The following SARM1 variants were observed in gnomAD, a reference collection of about 807,000 sequenced individuals.
SARM1 encodes the protein NAD(+) hydrolase SARM1.
A neutral mutation model predicts 65.1 loss-of-function variants in SARM1; 60 were observed. The ratio of observed to expected loss-of-function variants is 0.92; its 90% confidence interval spans 0.75 to 1.14. The LOEUF is 1.14. Among genes scored for constraint, SARM1 ranks in the 50% most tolerant of loss-of-function variants. The probability of loss-of-function intolerance (pLI) is 0.00; values close to 1 mark genes in which losing one functional copy is unlikely to be tolerated. For missense variants in SARM1, 913 were observed against 1,015.7 expected (o/e 0.90, Z 1.37); for synonymous variants, 417 against 465.4 (o/e 0.90, Z 1.34).
Position 28,372,228 on chromosome 17 carries a change from G to A in SARM1, c.196G>A (p.Glu66Lys). ...GAGTEVQDAL[E>K]RALPELQQAL... ...AGGCACCGAGGTGCAGGACGCCCTG[G>A]AGCGCGCGCTGCCGGAGCTGCAGCA... Residue 66 changes from glutamate (E) to lysine (K), a missense_variant, in exon 1 of 9, where the codon GAG becomes AAG. Transcript: ENST00000585482. This position sits in a 1 kb window ranked among gnomAD's most constrained non-coding sequence, Gnocchi z 5.2. 1 of 1,385,616 alleles carries A rather than the reference G, an allele frequency of 7.2e-7. No individual in the cohort carries two copies. Among genetic ancestry groups the A allele is most frequent in the South Asian group, 1.6e-5 (1 of 60,950 alleles). The allele number at this position is 1,385,616 out of a possible 1,614,324, so 85.8% of individuals were successfully genotyped here.
chr17:28,384,740 C>T lies in SARM1; in HGVS notation c.1303-99C>T. The T allele has an allele frequency of 7.8e-7, 1 of 1,276,604 alleles. No homozygotes were observed. The highest frequency in any genetic ancestry group is 1.3e-5 in the South Asian group (1 of 75,372). 79.1% of individuals were successfully genotyped at this position (1,276,604 alleles called of 1,614,324 possible). On this transcript the variant is annotated intron_variant, in intron 3 of 8. Coordinates refer to ENST00000585482, the MANE Select transcript of SARM1 (RefSeq NM_015077.4). The surrounding 1 kb of genome is among the most constrained non-coding windows in gnomAD (Gnocchi z 4.4). ...TCGGCTCTGATCTAGGTCCCATCCG[C>T]CTCCTCCACGCCATCTCCAGTTCCT...
In SARM1 at chr17:28,400,636, G is replaced by A. The variant is rs781803952; in HGVS notation, c.*4350G>A. On this transcript the variant is annotated 3_prime_UTR_variant, in exon 9 of 9. Coordinates refer to ENST00000585482, the MANE Select transcript of SARM1 (RefSeq NM_015077.4). ...CAATCAGAACAGCCGGGATGAGCAG[G>A]AGGCCAGCTCCCAGGAGGAAGGGGA... 121 of 1,613,682 alleles carry A rather than the reference G, an allele frequency of 7.5e-5. No homozygotes were observed. The highest frequency in any genetic ancestry group is 9.5e-5 in the Non-Finnish European group (112 of 1,179,826).
chr17:28,386,539 G>A (rs1218535144), intron 5 of SARM1: 2 of 152,094 alleles, frequency 1.3e-5, no homozygotes, highest in African/African-American at 4.8e-5. Flanking sequence ...ACAAACAAAT[G>A]TTGTCTATGA....
chr17:28,374,105 A>G (rs1406720015), intron 1 of SARM1: 1 of 16,720 alleles, frequency 6.0e-5, no homozygotes, highest in African/African-American at 4.5e-4. Context: ...TGTCTCTACT[A>G]AAAAAAAAAA....
chr17:28,400,657 G>T lies in SARM1; in HGVS notation c.*4371G>T, dbSNP rs1555589342. ...GCAGGAGGCCAGCTCCCAGGAGGAA[G>T]GGGAACCCCTTCATAAAGTTCAGAG... On this transcript the variant is annotated 3_prime_UTR_variant, in exon 9 of 9. Coordinates refer to ENST00000585482, the MANE Select transcript of SARM1 (RefSeq NM_015077.4). The T allele has an allele frequency of 6.2e-7, 1 of 1,613,652 alleles. No homozygotes were observed. Among genetic ancestry groups the T allele is most frequent in the Admixed American group, 1.7e-5 (1 of 59,982 alleles).
Position 28,396,274 on chromosome 17 carries a change from G to A in SARM1, c.2163G>A (p.Met721Ile). Residue 721 changes from methionine (M) to isoleucine (I), a missense_variant, in exon 9 of 9, where the codon ATG (methionine) becomes ATA (isoleucine). By Grantham distance (10) the Met-to-Ile change is conservative. Coordinates refer to ENST00000585482, the MANE Select transcript of SARM1 (RefSeq NM_015077.4). Reference protein sequence around the residue: ...SDTSLEGAAPMGPT With the variant: ...SDTSLEGAAPIGPT ...CCAGTTTGGAGGGTGCTGCACCCATGGGTCCAACCTAACCAGTCCCCAGTT... is the reference window on the plus strand; with the variant it reads ...CCAGTTTGGAGGGTGCTGCACCCATAGGTCCAACCTAACCAGTCCCCAGTT... 1.9e-6 allele frequency: 3 copies of A among 1,613,980 alleles called. No homozygotes were observed. Among genetic ancestry groups the A allele is most frequent in the Non-Finnish European group, 2.5e-6 (3 of 1,179,880 alleles).
chr17:28,377,333 T>C (rs1487984557), intron 1 of SARM1, among the ~76,000 whole-genome samples: 1 of 149,372 alleles, frequency 6.7e-6, no homozygotes, highest in Non-Finnish European at 1.5e-5. Context: ...TTCATGCCTG[T>C]ATTCCCAGCG....
At chr17:28,380,457 C>CGCCAAG (rs1555585061) in intron 1 of SARM1, among the ~76,000 whole-genome samples, 1 of 152,212 alleles carries the variant, frequency 6.6e-6, no homozygotes, top group Non-Finnish European at 1.5e-5. Flanking sequence ...GTTTTGCTAG[C>CGCCAAG]GCCAAGGCCC....
chr17:28,382,978 C>G (rs2068031721), intron 2 of SARM1, among the ~76,000 whole-genome samples: 1 of 152,212 alleles, frequency 6.6e-6, no homozygotes, highest in South Asian at 2.1e-4. Context: ...GGTGCATACC[C>G]CATGACCCAC....
At position 28,381,707 on chromosome 17, in the gene SARM1, C is replaced by G; in HGVS notation, c.975C>G (p.Asp325Glu). 2 of 1,557,480 alleles carry G rather than the reference C, an allele frequency of 1.3e-6. No individual in the cohort carries two copies. The highest frequency in any genetic ancestry group is 1.7e-6 in the Non-Finnish European group (2 of 1,151,908). The change falls in exon 2 of 9, where the codon GAC (aspartate) becomes GAG (glutamate). Residue 325 changes from aspartate (D) to glutamate (E), a missense_variant. Physicochemically the swap from Asp to Glu is conservative, Grantham distance 45. Coordinates refer to ENST00000585482, the MANE Select transcript of SARM1 (RefSeq NM_015077.4). ...ACACAAGCCAGGGCCGCGGGCCCGA[C>G]GACCTGCAGCGCCTCGTGCCGTTGC... ...ASDTSQGRGP[D>E]DLQRLVPLLD...
intron 7 of SARM1, among the ~76,000 whole-genome samples, chr17:28,393,384 A>C (rs2068090517): frequency 6.6e-6 from 1 of 152,056 alleles, no homozygotes. Flanking sequence ...CCCCATCTCT[A>C]CTAAAAAATA....
Position 28,399,870 on chromosome 17 carries a change from A to C in SARM1, c.*3584A>C. 1 of 716,856 alleles carries C rather than the reference A, an allele frequency of 1.4e-6. No homozygotes were observed. The highest frequency in any genetic ancestry group is 2.5e-6 in the Non-Finnish European group (1 of 403,914). 44.4% of individuals were successfully genotyped at this position (716,856 alleles called of 1,614,324 possible). On this transcript the variant is annotated 3_prime_UTR_variant, in exon 9 of 9. Coordinates refer to ENST00000585482, the MANE Select transcript of SARM1 (RefSeq NM_015077.4). ...GAGAAGCTGAGAGCTGGAGGACAAT[A>C]TCCAGGGACATGGCTCTGGAAAATA...
rs1204234366 is a variant in SARM1 at position 28,397,945 on chromosome 17, G to C, written c.*1659G>C. 6.6e-6 allele frequency: 1 copy of C among 152,624 alleles called. No homozygotes were observed. The highest frequency in any genetic ancestry group is 2.4e-5 in the African/African-American group (1 of 41,460). The allele number at this position is 152,624 out of a possible 1,614,324, so 9.5% of individuals were successfully genotyped here. On this transcript the variant is annotated 3_prime_UTR_variant, in exon 9 of 9. Coordinates refer to ENST00000585482, the MANE Select transcript of SARM1 (RefSeq NM_015077.4). ...TCAGAAAGTCAAAGGTCTCACTCCA[G>C]GTTTGGGGCTCCTTCCTTCCACTCC...
chr17:28,388,417 G>C lies in SARM1; in HGVS notation c.1801G>C (p.Gly601Arg). Residue 601 changes from glycine (G) to arginine (R), a missense_variant, in exon 7 of 9, where the codon GGC becomes CGC. By Grantham distance (125) the Gly-to-Arg change is moderately radical (BLOSUM62 -2). Transcript: ENST00000585482. ...CATTGATGTGGAGAAGCTGGAAGCA[G>C]GCAAGTTCGAGGACAAACTCATCCA... Reference protein sequence around the residue: ...VFIDVEKLEAGKFEDKLIQSV... With the variant: ...VFIDVEKLEARKFEDKLIQSV... The C allele has an allele frequency of 6.2e-7, 1 of 1,614,000 alleles. No individual in the cohort carries two copies.
At position 28,384,913 on chromosome 17, in the gene SARM1, G is replaced by T; in HGVS notation, c.1377G>T (p.Ser459=). The T allele has an allele frequency of 6.4e-7, 1 of 1,566,350 alleles. No homozygotes were observed. The highest frequency in any genetic ancestry group is 8.7e-7 in the Non-Finnish European group (1 of 1,155,674). ...EELQTDLGMK[S]GITRKRFFRE... ...TCCAGACCGACCTGGGCATGAAATC[G>T]GGCATCACCCGCAAGAGGTACGGAG... The change falls in exon 4 of 9, where the codon TCG becomes TCT. Residue 459 remains serine (S), a synonymous_variant. Coordinates refer to ENST00000585482, the MANE Select transcript of SARM1 (RefSeq NM_015077.4). This position sits in a 1 kb window ranked among gnomAD's most constrained non-coding sequence, Gnocchi z 4.4.
At chr17:28,395,685 C>G in intron 7 of SARM1, 1 of 538,024 alleles carries the variant, frequency 1.9e-6, no homozygotes, top group Non-Finnish European at 3.3e-6. Context: ...TCAAGAGATT[C>G]CAAGGGTTTT....
At chr17:28,392,508 CT>C (rs770592005) in intron 7 of SARM1, among the ~76,000 whole-genome samples, 34 of 152,180 alleles carry the variant, frequency 2.2e-4, no homozygotes, top group Non-Finnish European at 3.1e-4. Context: ...AAACAAATTT[CT>C]AAAAATTTCC....
intron 7 of SARM1, among the ~76,000 whole-genome samples, chr17:28,393,083 TG>T (rs1324972928): frequency 1.3e-5 from 2 of 152,186 alleles, no homozygotes; most frequent in African/African-American, 4.8e-5. Context: ...AACAACGCTT[TG>T]AGGTAGGTTT....
In SARM1 at chr17:28,372,517, C is replaced by T. The variant is rs2067964181; in HGVS notation, c.470+15C>T. On this transcript the variant is annotated intron_variant, in intron 1 of 8. Transcript: ENST00000585482. This position sits in a 1 kb window ranked among gnomAD's most constrained non-coding sequence, Gnocchi z 5.2. Reference sequence around the variant, plus strand: ...GCTGAGAACCGGTGAGCGCGCCAGGCCGGGGTTGGGAGAGCGCCGCGTGGT... The same window carrying T: ...GCTGAGAACCGGTGAGCGCGCCAGGTCGGGGTTGGGAGAGCGCCGCGTGGT... 1 of 1,517,002 alleles carries T rather than the reference C, an allele frequency of 6.6e-7. No individual in the cohort carries two copies. 94.0% of individuals were successfully genotyped at this position (1,517,002 alleles called of 1,614,324 possible). A position where few individuals can be genotyped will look rare whatever the true frequency, so the allele number is the denominator to read the frequency against.
Sources: allele counts gnomAD v4.1 joint callset (sites outside exome capture counted in the v4.1 genomes callset), GRCh38; gene constraint gnomAD v4.1.1; non-coding constraint Gnocchi (gnomAD v3.1); transcripts MANE v1.5; gene names NCBI Gene and HGNC (gene_info 2026-07-23, HGNC 2026-07-21).